The following UBE2O variants were observed in gnomAD, a reference collection of about 807,000 sequenced individuals.
UBE2O encodes ubiquitin conjugating enzyme E2 O, also known as (E3-independent) E2 ubiquitin-conjugating enzyme.
UBE2O carries 15 observed loss-of-function variants against 125.8 expected under a neutral mutation model. The ratio of observed to expected loss-of-function variants is 0.12; its 90% CI spans 0.08 to 0.18. The LOEUF is 0.18. Ranked by LOEUF, UBE2O falls within the 10% of genes least tolerant of loss-of-function variation. The pLI is 1.00. For synonymous variants in UBE2O, 708 were observed against 703.2 expected (o/e 1.01, Z -0.11); for missense variants, 1,280 against 1,723.6 (o/e 0.74, Z 4.56).
At position 76,410,194 on chromosome 17, in the gene UBE2O, C is replaced by A. The variant is rs1349424987; in HGVS notation, c.418-4622G>T. Among the ~76,000 whole-genome samples, 1 of 152,072 alleles carries A rather than the reference C, an allele frequency of 6.6e-6. No individual in the cohort carries two copies. The highest frequency in any genetic ancestry group is 1.9e-4 in the East Asian group (1 of 5,180). ...TGAGCAAGATGGAAGCCCCTGAAGG[C>A]CTCCACTCAGAGCCCTGCCTGATGG... is the stretch of plus-strand genomic sequence containing the variant. On this transcript the variant is annotated intron_variant, in intron 1 of 17. Transcript: ENST00000319380. This position sits in a 1 kb window ranked among gnomAD's most constrained non-coding sequence, Gnocchi z 4.0.
chr17:76,399,591 A>T lies in UBE2O; in HGVS notation c.1486T>A (p.Ser496Thr). Residue 496 changes from serine to threonine, a missense_variant, in exon 9 of 18, where the codon TCC becomes ACC. By Grantham distance (58) the Ser-to-Thr change is moderately conservative. Around this residue, in one of 10 missense-constraint regions of UBE2O, gnomAD observed 145 missense variants for 219.6 expected, o/e 0.66. Transcript: ENST00000319380. This position sits in a 1 kb window ranked among gnomAD's most constrained non-coding sequence, Gnocchi z 6.9. ...GAGGAAGTGGTGGAGCTGGCAGAGG[A>T]GGTCACCGAACTGGTGTCGTCCGTG... ...DDTDDTSSVT[S>T]SASSTTSSQS... 6.2e-7 allele frequency: 1 copy of T among 1,614,102 alleles called. No homozygotes were observed. The highest frequency in any genetic ancestry group is 8.5e-7 in the Non-Finnish European group (1 of 1,180,010).
intron 1 of UBE2O, among the ~76,000 whole-genome samples, chr17:76,408,957 T>C (rs1302075141): frequency 2.0e-5 from 3 of 152,068 alleles, no homozygotes; most frequent in African/African-American, 4.8e-5. Context: ...TGGTGAGCTA[T>C]TTATTGTCTA....
Position 76,405,280 on chromosome 17 carries a change from C to T in UBE2O, c.514G>A (p.Asp172Asn), listed in dbSNP as rs767830738. Residue 172 changes from aspartate (D) to asparagine (N), a missense_variant, in exon 3 of 18, where the codon GAC becomes AAC. Physicochemically the swap from Asp to Asn is conservative, Grantham distance 23. Transcript: ENST00000319380. The surrounding 1 kb of genome is among the most constrained non-coding windows in gnomAD (Gnocchi z 6.1). ...QCGTVIDVNIDCAVKLIGTNC... is the reference protein window; with the variant it reads ...QCGTVIDVNINCAVKLIGTNC... The stretch of plus-strand genomic sequence containing the variant: ...GTGCCGATGAGCTTGACGGCACAGT[C>T]GATGTTGACGTCGATCACCGTGCCA... 16 of 1,613,056 alleles carry T rather than the reference C, an allele frequency of 9.9e-6. No homozygotes were observed. The highest frequency in any genetic ancestry group is 4.0e-5 in the African/African-American group (3 of 74,880).
At chr17:76,444,879 C>G (rs1283556480) in intron 1 of UBE2O, among the ~76,000 whole-genome samples, 1 of 152,210 alleles carries the variant, frequency 6.6e-6, no homozygotes, top group Non-Finnish European at 1.5e-5. Flanking sequence ...ATATGTCAAG[C>G]CCTGAGGCTC....
rs552648226 is a variant in UBE2O at position 76,420,086 on chromosome 17, C to A, written c.418-14514G>T. Among the ~76,000 whole-genome samples the A allele has an allele frequency of 3.3e-3, 498 of 152,294 alleles. 1 individual carries two copies. The highest frequency in any genetic ancestry group is 0.011 in the African/African-American group (467 of 41,552). Reference sequence around the variant, plus strand: ...GATCCGGAGCCTCACCCCTACCCAGCGCAGCAGTGGCCCCCTTCGCACCAC... The same window carrying A: ...GATCCGGAGCCTCACCCCTACCCAGAGCAGCAGTGGCCCCCTTCGCACCAC... On this transcript the variant is annotated intron_variant, in intron 1 of 17. Coordinates refer to ENST00000319380, the MANE Select transcript of UBE2O (RefSeq NM_022066.4).
Position 76,425,167 on chromosome 17 carries a change from G to A in UBE2O, c.418-19595C>T, listed in dbSNP as rs190172179. Among the ~76,000 whole-genome samples the A allele has an allele frequency of 2.1e-4, 31 of 145,902 alleles. No homozygotes were observed. In the East Asian group the frequency reaches 4.7e-3, roughly 22 times the overall value. On this transcript the variant is annotated intron_variant, in intron 1 of 17. Coordinates refer to ENST00000319380, the MANE Select transcript of UBE2O (RefSeq NM_022066.4). ...ATTACAGGCGTGAGCCACCGCACCC[G>A]GTTCACCTGTTTCTTTTAATGTTTT...
chr17:76,441,156 AGT>A (rs2073071018), intron 1 of UBE2O, among the ~76,000 whole-genome samples: 1 of 152,254 alleles, frequency 6.6e-6, no homozygotes, highest in Admixed American at 6.5e-5. Context: ...ACACAGGTAA[AGT>A]GTGAGTTAAC....
At position 76,452,986 on chromosome 17, in the gene UBE2O, T is replaced by C; in HGVS notation, c.156A>G (p.Pro52=). 1.3e-6 allele frequency: 2 copies of C among 1,492,376 alleles called. No homozygotes were observed. Among genetic ancestry groups the C allele is most frequent in the Non-Finnish European group, 1.8e-6 (2 of 1,121,104 alleles). The allele number at this position is 1,492,376 out of a possible 1,614,324, so 92.4% of individuals were successfully genotyped here. The change falls in exon 1 of 18, where the codon CCA becomes CCG. Residue 52 remains proline (P), a synonymous_variant. Transcript: ENST00000319380. This position sits in a 1 kb window ranked among gnomAD's most constrained non-coding sequence, Gnocchi z 4.4. ...SASGPSSDSG[P]EAGSQRLLFS... ...ACAGCAGGCGCTGCGAGCCGGCTTC[T>C]GGGCCGGAGTCCGAGGACGGCCCGG...
At chr17:76,418,533 G>A (rs1036361974) in intron 1 of UBE2O, among the ~76,000 whole-genome samples, 6 of 151,846 alleles carry the variant, frequency 4.0e-5, no homozygotes, top group African/African-American at 1.5e-4. Flanking sequence ...GTGGAAAATG[G>A]AGCAGCCTCC....
chr17:76,409,486 T>C (rs2072482208), intron 1 of UBE2O, among the ~76,000 whole-genome samples: 1 of 151,894 alleles, frequency 6.6e-6, no homozygotes, highest in Non-Finnish European at 1.5e-5. Flanking sequence ...AACCTCCGCC[T>C]CTGGGGTTCA....
intron 1 of UBE2O, among the ~76,000 whole-genome samples, chr17:76,406,635 A>T (rs2072423543): frequency 6.6e-6 from 1 of 150,410 alleles, no homozygotes; most frequent in African/African-American, 2.4e-5. Context: ...AAAAGCAATG[A>T]ACCCCACCAC....
At position 76,405,486 on chromosome 17, in the gene UBE2O, G is replaced by A; in HGVS notation, c.477+27C>T. The A allele has an allele frequency of 6.3e-7, 1 of 1,590,046 alleles. No homozygotes were observed. The highest frequency in any genetic ancestry group is 1.1e-5 in the South Asian group (1 of 87,340). ...CCTAAGGTGGCTGCCCCCAGGCCCG[G>A]GGCTGGGGTGGGGACGCAGGACTCA... On this transcript the variant is annotated intron_variant, in intron 2 of 17. Transcript: ENST00000319380. The surrounding 1 kb of genome is among the most constrained non-coding windows in gnomAD (Gnocchi z 6.1).
rs79488198 is a variant in UBE2O, at chr17:76,408,974, C to T, written c.418-3402G>A. ...GTGAGCTATTTATTGTCTAACATTT[C>T]TTTTTTTTTTTTGAGATGGAGTCTC... is the stretch of plus-strand genomic sequence containing the variant. On this transcript the variant is annotated intron_variant, in intron 1 of 17. Coordinates refer to ENST00000319380, the MANE Select transcript of UBE2O (RefSeq NM_022066.4). 3.4e-5 allele frequency among the ~76,000 whole-genome samples: 5 copies of T among 145,514 alleles called. No individual in the cohort carries two copies. The East Asian group carries it at 7.9e-4, about 23-fold the overall frequency.
rs1409741152 is a variant in UBE2O at position 76,401,425 on chromosome 17, G to A, written c.751-271C>T. On this transcript the variant is annotated intron_variant, in intron 5 of 17. Transcript: ENST00000319380. Reference sequence around the variant, plus strand: ...ACTCTGAGGAATAAGACTCCAGAGAGCAGTGGTCCTGAAACCTGTTTGCTC... The same window carrying A: ...ACTCTGAGGAATAAGACTCCAGAGAACAGTGGTCCTGAAACCTGTTTGCTC... Among the ~76,000 whole-genome samples, 6 of 152,348 alleles carry A rather than the reference G, an allele frequency of 3.9e-5. No individual in the cohort carries two copies. The East Asian group carries it at 9.6e-4, about 24-fold the overall frequency.
rs764132543 is a variant in UBE2O at position 76,399,743 on chromosome 17, A to T, written c.1334T>A (p.Met445Lys). ...GGGCTCCTCTGCACCCTCGTCCTGCATCTCCACTGGACTGGCAGAGCCATC... is the reference window on the plus strand; with the variant it reads ...GGGCTCCTCTGCACCCTCGTCCTGCTTCTCCACTGGACTGGCAGAGCCATC... ...TPDGSASPVE[M>K]QDEGAEEPHE... Residue 445 changes from methionine to lysine, a missense_variant, in exon 9 of 18, where the codon ATG (methionine) becomes AAG (lysine). This residue lies in a region of UBE2O where 141 missense variants were observed against 141.3 expected (regional missense o/e 1.00). Transcript: ENST00000319380. The surrounding 1 kb of genome is among the most constrained non-coding windows in gnomAD (Gnocchi z 6.9). 3.7e-6 allele frequency: 6 copies of T among 1,614,206 alleles called. No individual in the cohort carries two copies. The South Asian group carries it at 6.6e-5, about 18-fold the overall frequency.
chr17:76,414,229 G>A (rs934051274), intron 1 of UBE2O, among the ~76,000 whole-genome samples: 30 of 152,208 alleles, frequency 2.0e-4, no homozygotes, highest in African/African-American at 6.5e-4. Flanking sequence ...CATGAGCTAC[G>A]GAAGCCATTC....
intron 1 of UBE2O, among the ~76,000 whole-genome samples, chr17:76,416,958 G>A (rs992860114): frequency 6.6e-6 from 1 of 152,178 alleles, no homozygotes; most frequent in Non-Finnish European, 1.5e-5. Flanking sequence ...CACACTGCAG[G>A]GGACAGAGAT....
At chr17:76,442,578 T>C (rs2143898605) in intron 1 of UBE2O, among the ~76,000 whole-genome samples, 1 of 152,300 alleles carries the variant, frequency 6.6e-6, no homozygotes, top group South Asian at 2.1e-4. Context: ...GAGCTTCCCA[T>C]CCAGGAGAGA....
At position 76,452,635 on chromosome 17, in the gene UBE2O, C is replaced by G. The variant is rs1035352139; in HGVS notation, c.417+90G>C. On this transcript the variant is annotated intron_variant, in intron 1 of 17. Coordinates refer to ENST00000319380, the MANE Select transcript of UBE2O (RefSeq NM_022066.4). The surrounding 1 kb of genome is among the most constrained non-coding windows in gnomAD (Gnocchi z 4.4). ...GTCGGCCACTGCAGTGGCACCGCTC[C>G]GGGCAGGGCCCTGCACGCCGTCCTT... 3 of 1,218,532 alleles carry G rather than the reference C, an allele frequency of 2.5e-6. No individual in the cohort carries two copies. The highest frequency in any genetic ancestry group is 1.0e-6 in the Non-Finnish European group (1 of 957,422). 75.5% of individuals were successfully genotyped at this position (1,218,532 alleles called of 1,614,324 possible). A position where few individuals can be genotyped will look rare whatever the true frequency, so the allele number is the denominator to read the frequency against.
Sources: gnomAD v4.1 joint callset for allele counts (sites outside exome capture counted in the v4.1 genomes callset) on GRCh38, gnomAD v4.1.1 for gene constraint, gnomAD v4.1.1 regional missense constraint, Gnocchi (gnomAD v3.1) non-coding constraint, MANE v1.5 for transcripts, NCBI Gene and HGNC (gene_info 2026-07-23, HGNC 2026-07-21) for gene names.